The following CNBD1 variants were observed in gnomAD, a reference collection of about 807,000 sequenced individuals.
The protein encoded by CNBD1 is cyclic nucleotide binding domain containing 1.
Under a neutral mutation model 54.4 loss-of-function variants are expected in CNBD1, and 71 were observed. That is an observed-to-expected ratio of 1.30 (90% CI 1.08 to 1.59). The LOEUF is 1.59. CNBD1 is among the 40% of genes most tolerant of loss of function. The pLI, the probability that CNBD1 is intolerant of heterozygous loss-of-function variation, is 0.00. For synonymous variants in CNBD1, 182 were observed against 170.7 expected, an observed-to-expected ratio of 1.07 and a Z score of -0.51; for missense variants, 659 against 518.0, an observed-to-expected ratio of 1.27 and a Z score of -2.64.
chr8:87,399,683 T>C lies in CNBD1; in HGVS notation c.214-28863T>C, dbSNP rs118005854. Among the ~76,000 whole-genome samples, 31 of 152,070 alleles carry C rather than the reference T, an allele frequency of 2.0e-4. No individual in the cohort carries two copies. The East Asian group carries it at 3.3e-3, about 16-fold the overall frequency. ...CTAAGGAGTGCTTTTCAGAACAGGATCCTAAGGCATCCCTGACCAGTGAAC... is the reference window on the plus strand; with the variant it reads ...CTAAGGAGTGCTTTTCAGAACAGGACCCTAAGGCATCCCTGACCAGTGAAC... On this transcript the variant is annotated intron_variant, in intron 2 of 7. Transcript: ENST00000521593.
intron 5 of CNBD1, among the ~76,000 whole-genome samples, chr8:87,228,320 A>C (rs1375350776): frequency 1.3e-4 from 19 of 150,604 alleles, no homozygotes; most frequent in Non-Finnish European, 1.9e-4. Context: ...AGGCACTCTG[A>C]TTTTTAGAGT....
intron 6 of CNBD1, among the ~76,000 whole-genome samples, chr8:87,250,127 C>CA (rs1434188957): frequency 1.2e-4 from 18 of 152,026 alleles, no homozygotes; most frequent in Non-Finnish European, 2.6e-4. Flanking sequence ...AACTCAATAG[C>CA]AAAAAATGAA....
downstream of CNBD1, among the ~76,000 whole-genome samples, chr8:87,386,305 A>G (rs183409433): frequency 7.2e-5 from 11 of 152,306 alleles, no homozygotes; most frequent in Admixed American, 3.3e-4. Context: ...TCAGACGATC[A>G]AACTACTCCG....
chr8:87,039,045 C>A (rs1038316147), intron 4 of CNBD1, among the ~76,000 whole-genome samples: 1 of 152,136 alleles, frequency 6.6e-6, no homozygotes, highest in Non-Finnish European at 1.5e-5. Flanking sequence ...TTATTATTAT[C>A]CATCATCTTT....
intron 6 of CNBD1, among the ~76,000 whole-genome samples, chr8:87,282,836 C>T (rs1407375690): frequency 2.0e-5 from 3 of 151,892 alleles, no homozygotes; most frequent in Non-Finnish European, 2.9e-5. Context: ...TTATTGCTAG[C>T]TAATGAGATC....
chr8:87,255,990 TA>T (rs1808002436), intron 6 of CNBD1, among the ~76,000 whole-genome samples: 1 of 12,154 alleles, frequency 8.2e-5, no homozygotes, highest in African/African-American at 4.2e-4. Context: ...TATATATATA[TA>T]TATATATATA....
chr8:87,111,388 TGTC>T (rs1446180750), intron 4 of CNBD1, among the ~76,000 whole-genome samples: 5 of 152,218 alleles, frequency 3.3e-5, no homozygotes, highest in Non-Finnish European at 5.9e-5. Flanking sequence ...GATCTCATAA[TGTC>T]GTTATCTGCT....
intron 8 of CNBD1, among the ~76,000 whole-genome samples, chr8:87,336,113 C>T (rs1158254749): frequency 3.3e-5 from 5 of 152,172 alleles, no homozygotes; most frequent in Admixed American, 3.3e-4. Context: ...ACCTTTCTCT[C>T]TGGCTGCCCT....
chr8:87,302,246 A>G (rs534601724), intron 8 of CNBD1, among the ~76,000 whole-genome samples: 1 of 152,332 alleles, frequency 6.6e-6, no homozygotes, highest in East Asian at 1.9e-4. Context: ...TCAATAAAAT[A>G]CTGGCAAACT....
chr8:87,173,664 A>ATTT (rs3056350), intron 4 of CNBD1, among the ~76,000 whole-genome samples: 108 of 147,272 alleles, frequency 7.3e-4, no homozygotes, highest in South Asian at 5.8e-3. Flanking sequence ...ATTATATGTT[A>ATTT]TTTTTTTTTT....
intron 3 of CNBD1, among the ~76,000 whole-genome samples, chr8:86,915,015 G>A (rs1017535183): frequency 2.6e-5 from 4 of 152,154 alleles, no homozygotes; most frequent in Non-Finnish European, 5.9e-5. Flanking sequence ...TACACGCAGA[G>A]CCACCTGAAC....
At chr8:87,082,181 A>G (rs972087427) in intron 4 of CNBD1, among the ~76,000 whole-genome samples, 3 of 152,008 alleles carry the variant, frequency 2.0e-5, no homozygotes, top group African/African-American at 4.8e-5. Flanking sequence ...CAATTAATCA[A>G]TCGACCTTGT....
downstream of CNBD1, among the ~76,000 whole-genome samples, chr8:87,384,829 G>A (rs1811151355): frequency 6.6e-6 from 1 of 152,078 alleles, no homozygotes; most frequent in South Asian, 2.1e-4. Flanking sequence ...TGTTATCTGA[G>A]GTGGATCATG....
intron 4 of CNBD1, among the ~76,000 whole-genome samples, chr8:86,942,944 A>G (rs1807370087): frequency 6.6e-6 from 1 of 152,166 alleles, no homozygotes; most frequent in Non-Finnish European, 1.5e-5. Flanking sequence ...CTGACTAATT[A>G]AACCATGATC....
intron 4 of CNBD1, among the ~76,000 whole-genome samples, chr8:86,981,173 G>A (rs1376395364): frequency 6.6e-6 from 1 of 152,180 alleles, no homozygotes; most frequent in Non-Finnish European, 1.5e-5. Context: ...GTGTGTGTCT[G>A]TGTGCGTGCG....
intron 4 of CNBD1, among the ~76,000 whole-genome samples, chr8:87,170,923 A>G (rs1022904224): frequency 3.9e-5 from 6 of 152,052 alleles, no homozygotes; most frequent in Admixed American, 3.3e-4. Context: ...GCTAGTATTT[A>G]CTTGAGGATT....
chr8:87,363,537 G>A (rs1379906667), intron 10 of CNBD1, among the ~76,000 whole-genome samples: 4 of 151,982 alleles, frequency 2.6e-5, no homozygotes, highest in Non-Finnish European at 5.9e-5. Flanking sequence ...ACTTTTTAAT[G>A]ATTGCCATTC....
In CNBD1 at chr8:87,274,877, G is replaced by A. The variant is rs185940393; in HGVS notation, c.772-9801G>A. Among the ~76,000 whole-genome samples the A allele has an allele frequency of 1.9e-3, 261 of 134,294 alleles. 42 individuals are homozygous for A. The East Asian group carries it at 0.043, about 22-fold the overall frequency. The allele number at this position is 134,294 out of a possible 152,430, so 88.1% of individuals were successfully genotyped here. On this transcript the variant is annotated intron_variant, in intron 6 of 10. Coordinates refer to ENST00000518476, the MANE Select transcript of CNBD1 (RefSeq NM_173538.3). ...TGTCCTGAATGGTAATTTTAGCCTA[G>A]GTTTTCTTCTAGGGTTTTTATGGTT...
chr8:87,314,918 C>T (rs368622164), intron 8 of CNBD1, among the ~76,000 whole-genome samples: 4 of 151,974 alleles, frequency 2.6e-5, no homozygotes, highest in African/African-American at 4.8e-5. Flanking sequence ...TAGGAAAATG[C>T]TTTGCTGCAA....
Sources: gnomAD v4.1 joint callset for allele counts (sites outside exome capture counted in the v4.1 genomes callset) on GRCh38, gnomAD v4.1.1 for gene constraint, MANE v1.5 for transcripts, NCBI Gene and HGNC (gene_info 2026-07-23, HGNC 2026-07-21) for gene names.